ATXN1: variants seen among roughly 807,000 people sequenced by gnomAD.
ATXN1 encodes ataxin-1.
In ATXN1, 8 loss-of-function variants were observed where a neutral mutation model predicts 56.4. The observed-to-expected ratio is 0.14, with a 90% CI of 0.08 to 0.26. The LOEUF is 0.26. Ranked by LOEUF, ATXN1 falls within the 10% of genes least tolerant of loss-of-function variation. The probability of loss-of-function intolerance (pLI) is 1.00; values close to 1 mark genes in which losing one functional copy is unlikely to be tolerated. For missense variants in ATXN1, 987 were observed against 1,106.5 expected (o/e 0.89, Z 1.53); for synonymous variants, 514 against 494.6 (o/e 1.04, Z -0.52).
intron 4 of ATXN1, among the ~76,000 whole-genome samples, chr6:16,556,157 CTT>C (rs1762008589): frequency 6.6e-6 from 1 of 152,062 alleles, no homozygotes; most frequent in Non-Finnish European, 1.5e-5. Flanking sequence ...TTCGGAGACT[CTT>C]TATCATTTTG....
intron 4 of ATXN1, among the ~76,000 whole-genome samples, chr6:16,532,290 C>T (rs1184843445): frequency 2.6e-5 from 4 of 152,168 alleles, no homozygotes; most frequent in Non-Finnish European, 5.9e-5. Flanking sequence ...CAAAAGCAGT[C>T]GGTGGTATAT....
intron 3 of ATXN1, among the ~76,000 whole-genome samples, chr6:16,641,653 G>A (rs1763708139): frequency 6.6e-6 from 1 of 152,190 alleles, no homozygotes; most frequent in Non-Finnish European, 1.5e-5. Flanking sequence ...GATTCATGTC[G>A]TTTTCACGCC....
intron 6 of ATXN1, among the ~76,000 whole-genome samples, chr6:16,409,683 C>G (rs943101987): frequency 1.3e-5 from 2 of 150,166 alleles, no homozygotes; most frequent in African/African-American, 4.9e-5. Context: ...ACTCGACTTG[C>G]CGTTTATGCA....
At chr6:16,726,347 C>T (rs961151923) in intron 2 of ATXN1, among the ~76,000 whole-genome samples, 1 of 143,710 alleles carries the variant, frequency 7.0e-6, no homozygotes, top group African/African-American at 2.6e-5. Context: ...CATCACTGCA[C>T]TCCAGTCTGG....
intron 6 of ATXN1, among the ~76,000 whole-genome samples, chr6:16,375,125 C>T (rs143639858): frequency 1.3e-5 from 2 of 152,314 alleles, no homozygotes; most frequent in African/African-American, 4.8e-5. Context: ...CTGCCCTCTC[C>T]CAGCAAAGAC....
chr6:16,646,647 C>T (rs148432883), intron 3 of ATXN1, among the ~76,000 whole-genome samples: 193 of 152,370 alleles, frequency 1.3e-3, no homozygotes, highest in African/African-American at 4.1e-3. Context: ...CACGCCCTCC[C>T]GTGTGGAATG....
chr6:16,403,730 A>C (rs182321264), intron 6 of ATXN1, among the ~76,000 whole-genome samples: 9 of 152,108 alleles, frequency 5.9e-5, no homozygotes, highest in Admixed American at 2.0e-4. Context: ...TGACCACTTC[A>C]TCTTCTTCTA....
At chr6:16,443,918 C>A (rs891154396) in intron 6 of ATXN1, among the ~76,000 whole-genome samples, 1 of 152,056 alleles carries the variant, frequency 6.6e-6, no homozygotes, top group East Asian at 1.9e-4. Context: ...AGATCGAGAC[C>A]ATCCTGGCTA....
intron 5 of ATXN1, among the ~76,000 whole-genome samples, chr6:16,505,706 C>T (rs775531864): frequency 1.3e-5 from 2 of 152,126 alleles, no homozygotes; most frequent in Non-Finnish European, 1.5e-5. Flanking sequence ...CCCGTGTACA[C>T]GGTTATGAGG....
At chr6:16,413,289 T>C (rs920926806) in intron 6 of ATXN1, among the ~76,000 whole-genome samples, 1 of 151,860 alleles carries the variant, frequency 6.6e-6, no homozygotes, top group African/African-American at 2.4e-5. Context: ...GTCTAGTTCT[T>C]AAATCCGTGT....
At chr6:16,435,767 C>A (rs775503150) in intron 6 of ATXN1, among the ~76,000 whole-genome samples, 13 of 152,152 alleles carry the variant, frequency 8.5e-5, no homozygotes, top group Non-Finnish European at 1.9e-4. Context: ...AGGAAGTGGA[C>A]TGTTAGGGCC....
intron 6 of ATXN1, among the ~76,000 whole-genome samples, chr6:16,413,502 A>G (rs1758844269): frequency 6.6e-6 from 1 of 152,136 alleles, no homozygotes; most frequent in African/African-American, 2.4e-5. Context: ...GAACCCAATC[A>G]TTTCTGAAAG....
intron 3 of ATXN1, among the ~76,000 whole-genome samples, chr6:16,613,044 T>C (rs1205408037): frequency 6.6e-6 from 1 of 151,122 alleles, no homozygotes; most frequent in African/African-American, 2.4e-5. Context: ...GGCGGGTGGA[T>C]CATGAGGTCA....
intron 3 of ATXN1, among the ~76,000 whole-genome samples, chr6:16,610,821 T>C (rs1763091631): frequency 2.0e-5 from 3 of 148,978 alleles, no homozygotes; most frequent in African/African-American, 7.5e-5. Flanking sequence ...GCCAAGAGTT[T>C]AAAACCACCC....
chr6:16,739,388 T>G (rs1015530496), intron 2 of ATXN1: 1 of 156,446 alleles, frequency 6.4e-6, no homozygotes, highest in African/African-American at 2.4e-5. Context: ...GCTAGATCTG[T>G]GGCGAGAGAC....
chr6:16,325,622 C>T (rs535030882), intron 7 of ATXN1, among the ~76,000 whole-genome samples: 12 of 152,230 alleles, frequency 7.9e-5, no homozygotes, highest in African/African-American at 2.9e-4. Context: ...TCCCCAGGTG[C>T]CCCCCACTTT....
chr6:16,307,385 G>A (rs1760274739), intron 7 of ATXN1, among the ~76,000 whole-genome samples: 2 of 152,172 alleles, frequency 1.3e-5, no homozygotes, highest in Admixed American at 6.5e-5. Context: ...AGGATGCTTG[G>A]TGGCTGGGCA....
chr6:16,634,113 G>A (rs927835756), intron 3 of ATXN1, among the ~76,000 whole-genome samples: 1 of 152,140 alleles, frequency 6.6e-6, no homozygotes, highest in African/African-American at 2.4e-5. Flanking sequence ...AGCTTGAAAT[G>A]CCCTTTTGTC....
chr6:16,705,017 G>A (rs2113444488), intron 2 of ATXN1, among the ~76,000 whole-genome samples: 1 of 152,272 alleles, frequency 6.6e-6, no homozygotes, highest in South Asian at 2.1e-4. Context: ...ATCTGTAATT[G>A]CAGAGATTGG....
Sources: gnomAD v4.1 joint callset for allele counts (sites outside exome capture counted in the v4.1 genomes callset) on GRCh38, gnomAD v4.1.1 for gene constraint, MANE v1.5 for transcripts, NCBI Gene and HGNC (gene_info 2026-07-23, HGNC 2026-07-21) for gene names.